Variants in TOPAZ1 observed in about 807,000 individuals in gnomAD.
TOPAZ1 encodes the protein protein TOPAZ1.
In TOPAZ1, 66 loss-of-function variants were observed where a neutral mutation model predicts 172.2. The observed-to-expected ratio is 0.38, with a 90% CI of 0.31 to 0.47. The LOEUF (loss-of-function observed/expected upper bound fraction) is 0.47, where lower values mean the gene tolerates loss of function less well. Ranked by LOEUF, TOPAZ1 falls within the 20% of genes least tolerant of loss-of-function variation. TOPAZ1 has a pLI of 0.99. For missense variants in TOPAZ1, 1,822 were observed against 1,972.4 expected (o/e 0.92, Z 1.44); for synonymous variants, 681 against 683.9 (o/e 1.00, Z 0.07).
intron 8 of TOPAZ1, among the ~76,000 whole-genome samples, chr3:44,275,571 A>G (rs1245792243): frequency 2.0e-5 from 3 of 152,070 alleles, no homozygotes; most frequent in Admixed American, 1.3e-4. Flanking sequence ...TTGTGTATAT[A>G]TACCACATTT....
At chr3:44,321,006 A>G in intron 16 of TOPAZ1, 21 bp from the exon 17 acceptor site, 1 of 1,484,222 alleles carries the variant, frequency 6.7e-7, no homozygotes. Context: ...TAAACTATTC[A>G]TATTTTTTTC....
chr3:44,243,144 T>G lies in TOPAZ1; in HGVS notation c.638T>G (p.Ile213Ser), dbSNP rs750735458. The change falls in exon 2 of 20, where the codon ATC (isoleucine) becomes AGC (serine). Residue 213 changes from isoleucine (I) to serine (S), a missense_variant. Transcript: ENST00000309765. ...AATACTCCAAAATATTCTTGTAATA[T>G]CTTGTCACCTGAAGTAGAAAATAAT... ...YKNTPKYSCNILSPEVENNSV... is the reference protein window; with the variant it reads ...YKNTPKYSCNSLSPEVENNSV... 5 of 1,549,634 alleles carry G rather than the reference T, an allele frequency of 3.2e-6. No homozygotes were observed. The highest frequency in any genetic ancestry group is 1.7e-4 in the Middle Eastern group (1 of 5,990).
rs1699836735 is a variant in TOPAZ1 at position 44,266,963 on chromosome 3, T to A, written c.3021-34T>A. ...ATTACTTTAATGTTTAAAAATACAT[T>A]TAAATTCTGATGTTAATTTTTCCTT... On this transcript the variant is annotated intron_variant, in intron 5 of 19. Coordinates refer to ENST00000309765, the MANE Select transcript of TOPAZ1 (RefSeq NM_001145030.2). 3 of 1,456,072 alleles carry A rather than the reference T, an allele frequency of 2.1e-6. No homozygotes were observed. In the South Asian group the frequency reaches 4.1e-5, roughly 20 times the overall value. 90.2% of individuals were successfully genotyped at this position (1,456,072 alleles called of 1,614,324 possible).
chr3:44,280,019 G>C (rs1700004906), intron 8 of TOPAZ1, among the ~76,000 whole-genome samples: 1 of 152,066 alleles, frequency 6.6e-6, no homozygotes, highest in African/African-American at 2.4e-5. Flanking sequence ...TTCACTTCTA[G>C]GTGTAGGATT....
intron 8 of TOPAZ1, among the ~76,000 whole-genome samples, chr3:44,273,211 C>T (rs752046887): frequency 6.6e-6 from 1 of 152,194 alleles, no homozygotes; most frequent in Non-Finnish European, 1.5e-5. Context: ...TCTTTTAATG[C>T]TCAAATAAAC....
chr3:44,322,779 C>T (rs1700555849), intron 17 of TOPAZ1, among the ~76,000 whole-genome samples: 1 of 152,022 alleles, frequency 6.6e-6, no homozygotes, highest in South Asian at 2.1e-4. Flanking sequence ...AAAAATTAGC[C>T]AGGCCTGGTG....
rs1307651451 is a variant in TOPAZ1 at position 44,244,812 on chromosome 3, T to C, written c.2306T>C (p.Ile769Thr). The C allele has an allele frequency of 1.3e-6, 2 of 1,551,606 alleles. No homozygotes were observed. The highest frequency in any genetic ancestry group is 2.4e-5 in the East Asian group (1 of 40,900). The change falls in exon 2 of 20, where the codon ATT becomes ACT. Residue 769 changes from isoleucine (I) to threonine (T), a missense_variant. By Grantham distance (89) the Ile-to-Thr change is moderately conservative. Transcript: ENST00000309765. ...TTCTACAATAAGAAATCCTATAGTA[T>C]TTCTCCAAGCTTTACAAAGCAAGGT... ...DSFYNKKSYS[I>T]SPSFTKQGNN...
At chr3:44,311,050 T>G (rs375350516) in intron 16 of TOPAZ1, among the ~76,000 whole-genome samples, 4 of 152,214 alleles carry the variant, frequency 2.6e-5, no homozygotes, top group African/African-American at 9.6e-5. Context: ...TCTCAGGAGT[T>G]TAGGTGGGAA....
chr3:44,315,307 A>G (rs1700439985), intron 16 of TOPAZ1, among the ~76,000 whole-genome samples: 1 of 152,140 alleles, frequency 6.6e-6, no homozygotes, highest in African/African-American at 2.4e-5. Context: ...ATATAAGCAT[A>G]TAAACAATGT....
chr3:44,284,460 T>TAA (rs1700057102), intron 9 of TOPAZ1, among the ~76,000 whole-genome samples: 1 of 152,246 alleles, frequency 6.6e-6, no homozygotes, highest in East Asian at 1.9e-4. Flanking sequence ...TCCTTCCTTT[T>TAA]AAAGGCTGAA....
intron 4 of TOPAZ1, among the ~76,000 whole-genome samples, chr3:44,258,016 T>G (rs899760678): frequency 6.6e-6 from 1 of 152,212 alleles, no homozygotes; most frequent in Non-Finnish European, 1.5e-5. Context: ...TTTACTGATT[T>G]TTTTTCCTAT....
At chr3:44,260,498 C>A (rs139585627) in intron 4 of TOPAZ1, among the ~76,000 whole-genome samples, 39 of 152,170 alleles carry the variant, frequency 2.6e-4, no homozygotes, top group South Asian at 8.3e-4. Flanking sequence ...TTAAAATTTT[C>A]TCCCATATTT....
intron 8 of TOPAZ1, among the ~76,000 whole-genome samples, chr3:44,275,187 T>C (rs1051372266): frequency 6.6e-6 from 1 of 152,024 alleles, no homozygotes; most frequent in Non-Finnish European, 1.5e-5. Context: ...ACCTTGAGTG[T>C]TTAACATTTC....
intron 6 of TOPAZ1, among the ~76,000 whole-genome samples, chr3:44,268,366 C>CTTTTTTTTT (rs34027226): frequency 7.4e-5 from 5 of 67,484 alleles, no homozygotes; most frequent in African/African-American, 2.7e-4. Context: ...GGTGCCTATT[C>CTTTTTTTTT]TTTTTTTTTT....
At chr3:44,324,377 ACTATTTAC>A (rs1404105766) in intron 18 of TOPAZ1, among the ~76,000 whole-genome samples, 2 of 152,032 alleles carry the variant, frequency 1.3e-5, no homozygotes, top group Admixed American at 6.5e-5. Context: ...AACTCTTTAT[ACTATTTAC>A]CTTCAGACTT....
At chr3:44,284,998 G>A (rs1046629189) in intron 9 of TOPAZ1, among the ~76,000 whole-genome samples, 1 of 152,114 alleles carries the variant, frequency 6.6e-6, no homozygotes, top group Non-Finnish European at 1.5e-5. Context: ...CAGCTATTTA[G>A]AAAGACATGA....
chr3:44,329,552 G>C (rs910226562), intron 19 of TOPAZ1, among the ~76,000 whole-genome samples: 1 of 152,200 alleles, frequency 6.6e-6, no homozygotes, highest in Admixed American at 6.5e-5. Flanking sequence ...ACTGTGAAGA[G>C]TCTGAGATTT....
chr3:44,279,980 A>T (rs1345857618), intron 8 of TOPAZ1, among the ~76,000 whole-genome samples: 1 of 152,010 alleles, frequency 6.6e-6, no homozygotes, highest in Non-Finnish European at 1.5e-5. Flanking sequence ...AGTAGTGTTT[A>T]TATTTACATC....
intron 18 of TOPAZ1, among the ~76,000 whole-genome samples, chr3:44,325,724 A>T (rs1300410099): frequency 1.3e-5 from 2 of 151,454 alleles, no homozygotes; most frequent in Non-Finnish European, 2.9e-5. Context: ...GCTCACTGCA[A>T]CCTCCACCTC....
Sources: gnomAD v4.1 joint callset for allele counts (sites outside exome capture counted in the v4.1 genomes callset) on GRCh38, gnomAD v4.1.1 for gene constraint, MANE v1.5 for transcripts, NCBI Gene and HGNC (gene_info 2026-07-23, HGNC 2026-07-21) for gene names.